The following NFIA variants were observed in gnomAD, a reference collection of about 807,000 sequenced individuals.
The protein encoded by NFIA is nuclear factor 1 A-type.
A neutral mutation model predicts 62.8 loss-of-function variants in NFIA; 8 were observed. The ratio of observed to expected loss-of-function variants is 0.13; its 90% CI spans 0.07 to 0.23. The LOEUF (loss-of-function observed/expected upper bound fraction) is 0.23, where lower values mean the gene tolerates loss of function less well. Ranked by LOEUF, NFIA falls within the 10% of genes least tolerant of loss-of-function variation. NFIA has a pLI of 1.00. For missense variants in NFIA, 410 were observed against 642.1 expected, an observed-to-expected ratio of 0.64 and a Z score of 3.91; for synonymous variants, 235 against 238.1, an observed-to-expected ratio of 0.99 and a Z score of 0.12.
chr1:61,303,032 A>G (rs991485852), intron 3 of NFIA, among the ~76,000 whole-genome samples: 7 of 152,320 alleles, frequency 4.6e-5, no homozygotes, highest in Admixed American at 6.5e-5. Flanking sequence ...GGTTCTAATG[A>G]TATTGAAATG....
intron 10 of NFIA, among the ~76,000 whole-genome samples, chr1:61,444,504 C>T (rs928106424): frequency 2.6e-5 from 4 of 152,076 alleles, no homozygotes; most frequent in African/African-American, 7.2e-5. Flanking sequence ...AATGAGGCTC[C>T]GTTATAAACT....
At chr1:61,290,938 T>C (rs971051871) in intron 3 of NFIA, among the ~76,000 whole-genome samples, 1 of 152,192 alleles carries the variant, frequency 6.6e-6, no homozygotes, top group African/African-American at 2.4e-5. Flanking sequence ...CTGGCAGTTA[T>C]AGTTTGGATT....
At chr1:61,107,757 A>G (rs1360736614) in intron 2 of NFIA, among the ~76,000 whole-genome samples, 1 of 151,474 alleles carries the variant, frequency 6.6e-6, no homozygotes, top group African/African-American at 2.4e-5. Context: ...CCAAGTTTAG[A>G]AGTATATGGT....
At chr1:61,109,006 A>AT (rs1557571282) in intron 2 of NFIA, among the ~76,000 whole-genome samples, 2 of 151,800 alleles carry the variant, frequency 1.3e-5, no homozygotes, top group Admixed American at 6.6e-5. Flanking sequence ...TACTGATGAG[A>AT]TTTTTTGATA....
At chr1:61,317,389 G>A (rs1319165421) in intron 3 of NFIA, among the ~76,000 whole-genome samples, 4 of 151,948 alleles carry the variant, frequency 2.6e-5, no homozygotes, top group Admixed American at 6.6e-5. Flanking sequence ...TATTCAATAT[G>A]TATTTAAAGA....
At chr1:61,423,442 C>T (rs553366001) in intron 9 of NFIA, among the ~76,000 whole-genome samples, 1 of 152,266 alleles carries the variant, frequency 6.6e-6, no homozygotes, top group Non-Finnish European at 1.5e-5. Flanking sequence ...CTACAATAAT[C>T]TCCCCAGAAA....
At chr1:61,130,573 C>T (rs941934022) in intron 2 of NFIA, among the ~76,000 whole-genome samples, 1 of 152,176 alleles carries the variant, frequency 6.6e-6, no homozygotes, top group African/African-American at 2.4e-5. Flanking sequence ...GTTTCTGACT[C>T]ATATGGTAAT....
chr1:61,205,957 C>T (rs1652870022), intron 2 of NFIA, among the ~76,000 whole-genome samples: 1 of 139,148 alleles, frequency 7.2e-6, no homozygotes, highest in Admixed American at 7.9e-5. Flanking sequence ...TGCTGTGTCA[C>T]CCATGCTGGA....
chr1:61,333,146 C>T (rs981729683), intron 4 of NFIA, among the ~76,000 whole-genome samples: 1 of 151,546 alleles, frequency 6.6e-6, no homozygotes, highest in Non-Finnish European at 1.5e-5. Context: ...AGCACAAATA[C>T]AATGATTATG....
At chr1:61,202,937 C>T (rs1360792509) in intron 2 of NFIA, among the ~76,000 whole-genome samples, 1 of 152,200 alleles carries the variant, frequency 6.6e-6, no homozygotes, top group Non-Finnish European at 1.5e-5. Flanking sequence ...ATCATGGAAA[C>T]TGCACATTTG....
In NFIA at chr1:61,114,772, A is replaced by G. The variant is rs576294920; in HGVS notation, c.559+26092A>G. On this transcript the variant is annotated intron_variant, in intron 2 of 10. Coordinates refer to ENST00000403491, the MANE Select transcript of NFIA (RefSeq NM_001134673.4). ...CTTTTTTCACTCTTGTCACTTTTCTATATTTACCTTGTTCATAGTATGTAA... is the reference window on the plus strand; with the variant it reads ...CTTTTTTCACTCTTGTCACTTTTCTGTATTTACCTTGTTCATAGTATGTAA... Among the ~76,000 whole-genome samples, 12 of 152,228 alleles carry G rather than the reference A, an allele frequency of 7.9e-5. No homozygotes were observed. In the South Asian group the frequency reaches 1.5e-3, roughly 18 times the overall value.
chr1:61,374,192 C>A (rs2100468529), intron 6 of NFIA, among the ~76,000 whole-genome samples: 1 of 152,206 alleles, frequency 6.6e-6, no homozygotes, highest in African/African-American at 2.4e-5. Flanking sequence ...AAACATTATG[C>A]TATTTTATAC....
chr1:61,174,608 A>G (rs753983230), intron 2 of NFIA, among the ~76,000 whole-genome samples: 4 of 152,230 alleles, frequency 2.6e-5, no homozygotes, highest in Non-Finnish European at 4.4e-5. Context: ...ACTACTGAGT[A>G]GCTGACATCT....
In NFIA at chr1:61,095,490, G is replaced by A. The variant is rs184317240; in HGVS notation, c.559+6810G>A. Among the ~76,000 whole-genome samples the A allele has an allele frequency of 4.6e-3, 695 of 152,180 alleles. 7 individuals are homozygous for A. Among genetic ancestry groups the A allele is most frequent in the African/African-American group, 0.016 (646 of 41,508 alleles). On this transcript the variant is annotated intron_variant, in intron 2 of 10. Transcript: ENST00000403491. Reference sequence around the variant, plus strand: ...TTTGTATCCTTCTTTATATCTTATTGTTTAGGGTTGGATGTCGTTTTCATG... The same window carrying A: ...TTTGTATCCTTCTTTATATCTTATTATTTAGGGTTGGATGTCGTTTTCATG...
At chr1:61,292,039 G>A (rs564713067) in intron 3 of NFIA, among the ~76,000 whole-genome samples, 1 of 152,296 alleles carries the variant, frequency 6.6e-6, no homozygotes, top group South Asian at 2.1e-4. Flanking sequence ...GAGAGAGTCT[G>A]CAGAATTCCA....
intron 2 of NFIA, among the ~76,000 whole-genome samples, chr1:61,165,023 G>T (rs1046019471): frequency 6.6e-6 from 1 of 152,122 alleles, no homozygotes; most frequent in South Asian, 2.1e-4. Flanking sequence ...AAATGGTTTC[G>T]TATTATATAT....
At chr1:61,348,496 A>G (rs1050732203) in intron 4 of NFIA, among the ~76,000 whole-genome samples, 2 of 152,204 alleles carry the variant, frequency 1.3e-5, no homozygotes, top group African/African-American at 2.4e-5. Context: ...CATTTGCCAC[A>G]TTACAATTCC....
intron 3 of NFIA, among the ~76,000 whole-genome samples, chr1:61,328,232 G>T (rs978661881): frequency 6.6e-6 from 1 of 151,878 alleles, no homozygotes; most frequent in African/African-American, 2.4e-5. Flanking sequence ...ATTTGTCTCA[G>T]TGTCTCCAAC....
intron 4 of NFIA, among the ~76,000 whole-genome samples, chr1:61,341,566 C>G (rs1045342645): frequency 1.3e-5 from 2 of 151,678 alleles, no homozygotes; most frequent in African/African-American, 4.8e-5. Flanking sequence ...GTAACTCCAC[C>G]TCCCAGGCCC....
Sources: allele counts gnomAD v4.1 joint callset (sites outside exome capture counted in the v4.1 genomes callset), GRCh38; gene constraint gnomAD v4.1.1; transcripts MANE v1.5; gene names NCBI Gene and HGNC (gene_info 2026-07-23, HGNC 2026-07-21).